The following TBC1D32 variants were observed in gnomAD, a reference collection of about 807,000 sequenced individuals.
TBC1D32 encodes protein broad-minded.
A neutral mutation model predicts 170.3 loss-of-function variants in TBC1D32; 151 were observed. The ratio of observed to expected loss-of-function variants is 0.89; its 90% confidence interval spans 0.78 to 1.01. TBC1D32 has a LOEUF of 1.01. Among genes scored for constraint, TBC1D32 ranks in the 50% least tolerant of loss-of-function variants. The pLI is 0.00. For missense variants in TBC1D32, 1,464 were observed against 1,457.1 expected, an observed-to-expected ratio of 1.00 and a Z score of -0.08; for synonymous variants, 498 against 488.0, an observed-to-expected ratio of 1.02 and a Z score of -0.27.
chr6:121,323,922 G>C lies in TBC1D32; in HGVS notation c.156-2128C>G, dbSNP rs553131748. 9.5e-4 allele frequency among the ~76,000 whole-genome samples: 145 copies of C among 152,214 alleles called. 1 individual carries two copies. Among genetic ancestry groups the C allele is most frequent in the African/African-American group, 3.3e-3 (138 of 41,536 alleles). ...GCCACTGCACTCCAGCTTGGTGACAGAGCAAGACTCCACCTCAAAAAGAAA... is the reference window on the plus strand; with the variant it reads ...GCCACTGCACTCCAGCTTGGTGACACAGCAAGACTCCACCTCAAAAAGAAA... On this transcript the variant is annotated intron_variant, in intron 1 of 31. Coordinates refer to ENST00000398212, the MANE Select transcript of TBC1D32 (RefSeq NM_152730.6).
intron 30 of TBC1D32, among the ~76,000 whole-genome samples, chr6:121,105,400 C>G (rs1323810074): frequency 2.0e-5 from 3 of 151,766 alleles, no homozygotes; most frequent in Non-Finnish European, 2.9e-5. Flanking sequence ...TCTCTCAGAC[C>G]CTGACCTAAA....
chr6:121,275,265 T>G (rs1368623674), intron 15 of TBC1D32, among the ~76,000 whole-genome samples: 1 of 152,212 alleles, frequency 6.6e-6, no homozygotes, highest in Non-Finnish European at 1.5e-5. Flanking sequence ...CATTACTTGA[T>G]AATATAAACA....
At chr6:121,294,248 G>A (rs1805285443) in intron 11 of TBC1D32, among the ~76,000 whole-genome samples, 1 of 152,038 alleles carries the variant, frequency 6.6e-6, no homozygotes, top group Non-Finnish European at 1.5e-5. Flanking sequence ...TTAGATGACT[G>A]ATACATTATT....
chr6:121,094,060 A>G (rs536947125), intron 30 of TBC1D32, among the ~76,000 whole-genome samples: 1 of 152,190 alleles, frequency 6.6e-6, no homozygotes, highest in South Asian at 2.1e-4. Flanking sequence ...TGGCTTTACT[A>G]TATTTGCAAG....
At chr6:121,213,673 C>T (rs1322906585) in intron 21 of TBC1D32, among the ~76,000 whole-genome samples, 2 of 151,980 alleles carry the variant, frequency 1.3e-5, no homozygotes, top group Admixed American at 6.6e-5. Context: ...GAAACACATT[C>T]GATGCTTATG....
chr6:121,285,520 C>T lies in TBC1D32; in HGVS notation c.1373-1610G>A, dbSNP rs548209052. 1.1e-4 allele frequency among the ~76,000 whole-genome samples: 16 copies of T among 152,200 alleles called. 1 individual carries two copies. Among genetic ancestry groups the T allele is most frequent in the African/African-American group, 3.4e-4 (14 of 41,558 alleles). On this transcript the variant is annotated intron_variant, in intron 12 of 31. Transcript: ENST00000398212. Reference sequence around the variant, plus strand: ...AAATTTTAAACTCCCAAAAGAAAACCAGGTACGAGGGGTGGAGCCAAGATG... The same window carrying T: ...AAATTTTAAACTCCCAAAAGAAAACTAGGTACGAGGGGTGGAGCCAAGATG...
intron 31 of TBC1D32, among the ~76,000 whole-genome samples, chr6:121,081,197 T>C (rs1463313311): frequency 6.6e-6 from 1 of 152,184 alleles, no homozygotes; most frequent in Non-Finnish European, 1.5e-5. Flanking sequence ...TGTTATACAA[T>C]GATTGTTCAA....
chr6:121,256,695 T>C (rs1052547311), intron 15 of TBC1D32, among the ~76,000 whole-genome samples: 2 of 151,670 alleles, frequency 1.3e-5, no homozygotes, highest in South Asian at 2.1e-4. Flanking sequence ...TTTTTTTTTT[T>C]GAGATGGAGT....
At chr6:121,302,502 A>T (rs1029757742) in intron 9 of TBC1D32, among the ~76,000 whole-genome samples, 1 of 152,200 alleles carries the variant, frequency 6.6e-6, no homozygotes, top group Non-Finnish European at 1.5e-5. Context: ...AAATGAAAAA[A>T]AGTTAATTAC....
At chr6:121,197,897 C>T (rs1790963557) in intron 22 of TBC1D32, among the ~76,000 whole-genome samples, 1 of 151,976 alleles carries the variant, frequency 6.6e-6, no homozygotes, top group African/African-American at 2.4e-5. Context: ...GGCAGACCCA[C>T]CCTTAATCTG....
chr6:121,138,286 C>T (rs916754969), intron 24 of TBC1D32, among the ~76,000 whole-genome samples: 3 of 152,090 alleles, frequency 2.0e-5, no homozygotes, highest in Admixed American at 6.6e-5. Flanking sequence ...TATCATCCCA[C>T]GTTTGCTTTT....
chr6:121,279,675 C>T (rs544230286), intron 14 of TBC1D32, among the ~76,000 whole-genome samples: 2 of 152,010 alleles, frequency 1.3e-5, no homozygotes, highest in East Asian at 1.9e-4. Flanking sequence ...CACATGTTTG[C>T]GTCATGAATG....
intron 15 of TBC1D32, among the ~76,000 whole-genome samples, chr6:121,260,138 C>A (rs1799573440): frequency 6.6e-6 from 1 of 151,988 alleles, no homozygotes; most frequent in South Asian, 2.1e-4. Context: ...ACAGAAAGGG[C>A]CCACTAAAGT....
intron 1 of TBC1D32, among the ~76,000 whole-genome samples, 159 bp from the exon 2 acceptor site, chr6:121,321,953 CT>C (rs908893974): frequency 2.4e-4 from 35 of 147,926 alleles, no homozygotes; most frequent in Non-Finnish European, 4.5e-4. Flanking sequence ...TAATTTTTGG[CT>C]TTTTTTTTTC....
intron 24 of TBC1D32, among the ~76,000 whole-genome samples, chr6:121,147,001 G>C (rs10085227): frequency 0.01 from 1,559 of 152,158 alleles, 27 homozygotes; most frequent in African/African-American, 0.036. Flanking sequence ...GTAGTCCCTA[G>C]TGTATATTGT....
At chr6:121,288,012 G>C (rs1387491044) in intron 12 of TBC1D32, among the ~76,000 whole-genome samples, 1 of 152,238 alleles carries the variant, frequency 6.6e-6, no homozygotes, top group Middle Eastern at 3.4e-3. Flanking sequence ...AGTGTGTAGA[G>C]GGAAATTTAT....
At chr6:121,269,257 T>C (rs1403212085) in intron 15 of TBC1D32, among the ~76,000 whole-genome samples, 1 of 152,012 alleles carries the variant, frequency 6.6e-6, no homozygotes, top group East Asian at 1.9e-4. Flanking sequence ...AATTCACATA[T>C]AACAATATTA....
rs1000232000 is a variant in TBC1D32 at position 121,114,390 on chromosome 6, C to T, written c.3053+782G>A. Reference sequence around the variant, plus strand: ...ATTGAGTTAAAAAATAGGTGACTAGCCTGCTTATATTATCTACGAAGTCCA... The same window carrying T: ...ATTGAGTTAAAAAATAGGTGACTAGTCTGCTTATATTATCTACGAAGTCCA... On this transcript the variant is annotated intron_variant, in intron 27 of 31. Coordinates refer to ENST00000398212, the MANE Select transcript of TBC1D32 (RefSeq NM_152730.6). 1.5e-4 allele frequency among the ~76,000 whole-genome samples: 23 copies of T among 152,174 alleles called. No individual in the cohort carries two copies. The East Asian group carries it at 3.7e-3, about 24-fold the overall frequency.
At chr6:121,267,263 G>A (rs1452841589) in intron 15 of TBC1D32, among the ~76,000 whole-genome samples, 2 of 152,072 alleles carry the variant, frequency 1.3e-5, no homozygotes, top group African/African-American at 4.8e-5. Flanking sequence ...TCATCTCACT[G>A]GGGCTTGTCG....
Sources: allele counts gnomAD v4.1 joint callset (sites outside exome capture counted in the v4.1 genomes callset), GRCh38; gene constraint gnomAD v4.1.1; transcripts MANE v1.5; gene names NCBI Gene and HGNC (gene_info 2026-07-23, HGNC 2026-07-21).